Variants in RC3H1 observed in about 807,000 individuals in gnomAD.
RC3H1 encodes the protein roquin-1.
A neutral mutation model predicts 138.2 loss-of-function variants in RC3H1; 50 were observed. The observed-to-expected ratio is 0.36, with a 90% CI of 0.29 to 0.46. The LOEUF is 0.46. Ranked by LOEUF, RC3H1 falls within the 20% of genes least tolerant of loss-of-function variation. RC3H1 has a pLI of 1.00. For missense variants in RC3H1, 1,031 were observed against 1,388.1 expected, an observed-to-expected ratio of 0.74 and a Z score of 4.09; for synonymous variants, 462 against 489.1, an observed-to-expected ratio of 0.94 and a Z score of 0.73.
intron 2 of RC3H1, among the ~76,000 whole-genome samples, chr1:173,991,885 ATT>A (rs142449098): frequency 0.048 from 7,225 of 151,880 alleles, 563 homozygotes; most frequent in African/African-American, 0.16. Flanking sequence ...GGAAAATTTT[ATT>A]TTTTTTATTG....
intron 7 of RC3H1, among the ~76,000 whole-genome samples, chr1:173,975,432 T>C (rs1660532564): frequency 6.6e-6 from 1 of 152,066 alleles, no homozygotes; most frequent in Non-Finnish European, 1.5e-5. Context: ...GAAAAAGGCA[T>C]GGGCTGGATA....
At chr1:173,948,730 C>T (rs1050597562) in intron 14 of RC3H1, among the ~76,000 whole-genome samples, 30 of 151,700 alleles carry the variant, frequency 2.0e-4, no homozygotes, top group African/African-American at 2.7e-4. Context: ...CTGGGACCGG[C>T]GTGCACCACC....
Position 173,938,635 on chromosome 1 carries a change from A to G in RC3H1, c.*86T>C. On this transcript the variant is annotated 3_prime_UTR_variant, in exon 20 of 20. Coordinates refer to ENST00000367696, the MANE Select transcript of RC3H1 (RefSeq NM_172071.4). ...GGATTTCTCTGACCGCTCTTAAGAG[A>G]AAAAGTTTAGAAGTTATGCGTTCTC... 1 of 1,039,360 alleles carries G rather than the reference A, an allele frequency of 9.6e-7. No individual in the cohort carries two copies. The highest frequency in any genetic ancestry group is 1.3e-6 in the Non-Finnish European group (1 of 742,454). 64.4% of individuals were successfully genotyped at this position (1,039,360 alleles called of 1,614,324 possible).
intron 17 of RC3H1, among the ~76,000 whole-genome samples, chr1:173,944,117 T>C (rs1264419924): frequency 6.7e-6 from 1 of 148,382 alleles, no homozygotes; most frequent in African/African-American, 2.5e-5. Flanking sequence ...GCTGCTATGA[T>C]CATGCCACTG....
chr1:173,991,455 C>T lies in RC3H1; in HGVS notation c.231+1300G>A, dbSNP rs562446273. Among the ~76,000 whole-genome samples the T allele has an allele frequency of 3.3e-5, 5 of 152,176 alleles. No homozygotes were observed. In the East Asian group the frequency reaches 5.8e-4, roughly 18 times the overall value. On this transcript the variant is annotated intron_variant, in intron 2 of 19. Transcript: ENST00000367696. ...TTTTTACTTCTTATCTGAATGTCAC[C>T]GGTTTCATTTACTTGCCTAATTGCC...
chr1:173,964,005 G>A lies in RC3H1; in HGVS notation c.1799C>T (p.Ala600Val). The change falls in exon 11 of 20, where the codon GCT (alanine) becomes GTT (valine). Residue 600 changes from alanine (A) to valine (V), a missense_variant. Physicochemically the swap from Ala to Val is moderately conservative, Grantham distance 64. Around this residue, in one of 7 missense-constraint regions of RC3H1, gnomAD observed 716 missense variants for 837.9 expected, o/e 0.85. Transcript: ENST00000367696. ...ATAAGGTGCTGGTTCAAATGGCGGA[G>A]CTGCTCCTCGAGGATCCTGATAATA... ...DVYYQDPRGA[A>V]PPFEPAPYQQ... 1.2e-6 allele frequency: 2 copies of A among 1,614,118 alleles called. No homozygotes were observed. Among genetic ancestry groups the A allele is most frequent in the South Asian group, 2.2e-5 (2 of 91,078 alleles).
chr1:173,998,409 C>T (rs373974608), intron 1 of RC3H1, among the ~76,000 whole-genome samples: 8 of 152,122 alleles, frequency 5.3e-5, no homozygotes, highest in Non-Finnish European at 1.0e-4. Flanking sequence ...ACAAAAATGA[C>T]GAGATTTTAC....
At chr1:173,952,887 T>C (rs769388372) in intron 13 of RC3H1, among the ~76,000 whole-genome samples, 9 of 152,210 alleles carry the variant, frequency 5.9e-5, no homozygotes, top group Non-Finnish European at 1.3e-4. Flanking sequence ...ACAACACAGA[T>C]GATATGACCA....
rs1292664563 is a variant in RC3H1 at position 174,022,352 on chromosome 1, G to C, written c.-407C>G. 2 of 377,848 alleles carry C rather than the reference G, an allele frequency of 5.3e-6. No individual in the cohort carries two copies. The highest frequency in any genetic ancestry group is 2.1e-5 in the African/African-American group (1 of 47,750). 23.4% of individuals were successfully genotyped at this position (377,848 alleles called of 1,614,324 possible). A position where few individuals can be genotyped will look rare whatever the true frequency, so the allele number is the denominator to read the frequency against. ...CTCGTCCTCCGCCGCCCAGTCGCTCGTTGTCCTCGTCCCCTTCCTCTTCCT... is the reference window on the plus strand; with the variant it reads ...CTCGTCCTCCGCCGCCCAGTCGCTCCTTGTCCTCGTCCCCTTCCTCTTCCT... On this transcript the variant is annotated 5_prime_UTR_variant, in exon 1 of 20. Coordinates refer to ENST00000367696, the MANE Select transcript of RC3H1 (RefSeq NM_172071.4). This position sits in a 1 kb window ranked among gnomAD's most constrained non-coding sequence, Gnocchi z 4.2.
intron 1 of RC3H1, among the ~76,000 whole-genome samples, chr1:173,997,750 A>G (rs1399577353): frequency 6.6e-6 from 1 of 152,196 alleles, no homozygotes; most frequent in Non-Finnish European, 1.5e-5. Flanking sequence ...AAATAATATT[A>G]AACCTTGACT....
In RC3H1 at chr1:173,946,593, C is replaced by T. The variant is rs1659147457; in HGVS notation, c.2844G>A (p.Met948Ile). 1 of 1,613,886 alleles carries T rather than the reference C, an allele frequency of 6.2e-7. No individual in the cohort carries two copies. Among genetic ancestry groups the T allele is most frequent in the South Asian group, 1.1e-5 (1 of 91,076 alleles). ...GHFSERERIS[M>I]SEVASHGKPL... The stretch of plus-strand genomic sequence containing the variant: ...GTTTTCCATGACTGGCCACTTCTGA[C>T]ATAGATATTCTCTCCCTTTGGTTAG... The change falls in exon 17 of 20, where the codon ATG becomes ATA. Residue 948 changes from methionine to isoleucine, a missense_variant. Met to Ile is a conservative substitution (Grantham distance 10, BLOSUM62 1). Transcript: ENST00000367696.
At chr1:173,960,480 A>G (rs1659824590) in intron 13 of RC3H1, among the ~76,000 whole-genome samples, 2 of 152,300 alleles carry the variant, frequency 1.3e-5, no homozygotes, top group Middle Eastern at 6.8e-3. Context: ...CCTTGAATTC[A>G]GTGTGTATTT....
Position 173,938,758 on chromosome 1 carries a change from G to T in RC3H1, c.3365C>A (p.Ser1122Tyr), listed in dbSNP as rs1218787734. 1.2e-6 allele frequency: 2 copies of T among 1,612,962 alleles called. No homozygotes were observed. The highest frequency in any genetic ancestry group is 1.3e-5 in the African/African-American group (1 of 74,892). Residue 1122 changes from serine (S) to tyrosine (Y), a missense_variant, in exon 20 of 20, where the codon TCC becomes TAC. Around this residue, in one of 7 missense-constraint regions of RC3H1, gnomAD observed 716 missense variants for 837.9 expected, o/e 0.85. Transcript: ENST00000367696. Reference protein sequence around the residue: ...DPEGGGDNNDSQRSGVTPSSA... With the variant: ...DPEGGGDNNDYQRSGVTPSSA... ...ACTGGGAGTAACTCCTGATCTCTGG[G>T]AGTCATTATTATCCCCTCCTCCCTC...
At chr1:173,977,347 G>T (rs1660631719) in intron 7 of RC3H1, among the ~76,000 whole-genome samples, 1 of 152,130 alleles carries the variant, frequency 6.6e-6, no homozygotes, top group Non-Finnish European at 1.5e-5. Flanking sequence ...ATAAGCAGGG[G>T]ATATAGGGGT....
At chr1:173,945,399 T>C (rs1659090622) in intron 17 of RC3H1, among the ~76,000 whole-genome samples, 1 of 152,218 alleles carries the variant, frequency 6.6e-6, no homozygotes, top group Non-Finnish European at 1.5e-5. Context: ...GTGCTGGGAT[T>C]ACAAGCATGA....
chr1:173,947,552 G>A lies in RC3H1; in HGVS notation c.2554C>T (p.Arg852Ter). The A allele has an allele frequency of 6.2e-7, 1 of 1,613,870 alleles. No homozygotes were observed. Among genetic ancestry groups the A allele is most frequent in the Non-Finnish European group, 8.5e-7 (1 of 1,179,938 alleles). Residue 852 changes from arginine to a stop codon, truncating the protein, a stop_gained, in exon 15 of 20, where the codon CGA becomes TGA. Coordinates refer to ENST00000367696, the MANE Select transcript of RC3H1 (RefSeq NM_172071.4). LOFTEE classifies it high-confidence loss of function. ...NVESKGMRDQ[R>*]LDLQRRAAET... ...GCTGCTCTTCTCTGAAGATCTAATC[G>A]CTGGTCCCTCATTCCTTTACTCTCC...
chr1:173,966,636 GC>G (rs1238061389), intron 9 of RC3H1, among the ~76,000 whole-genome samples: 1 of 151,742 alleles, frequency 6.6e-6, no homozygotes, highest in Non-Finnish European at 1.5e-5. Context: ...AATTGCTTGA[GC>G]CCGGGAGGCG....
At chr1:173,966,657 G>A (rs1660131430) in intron 9 of RC3H1, among the ~76,000 whole-genome samples, 2 of 152,040 alleles carry the variant, frequency 1.3e-5, no homozygotes, top group Non-Finnish European at 2.9e-5. Flanking sequence ...GGAGGTTGCA[G>A]TGAGCCGAGA....
At chr1:174,018,801 C>G (rs1661908947) in intron 1 of RC3H1, among the ~76,000 whole-genome samples, 3 of 152,214 alleles carry the variant, frequency 2.0e-5, no homozygotes, top group Admixed American at 2.0e-4. Flanking sequence ...ACATCCTGAT[C>G]TGAGGTGTTC....
Sources: allele counts gnomAD v4.1 joint callset (sites outside exome capture counted in the v4.1 genomes callset), GRCh38; gene constraint gnomAD v4.1.1; regional missense constraint gnomAD v4.1.1; non-coding constraint Gnocchi (gnomAD v3.1); transcripts MANE v1.5; gene names NCBI Gene and HGNC (gene_info 2026-07-23, HGNC 2026-07-21).